ADGRB3: variants seen among roughly 807,000 people sequenced by gnomAD.
ADGRB3 encodes the protein brain-specific angiogenesis inhibitor 3.
ADGRB3 carries 37 observed loss-of-function variants against 193.4 expected under a neutral mutation model. That is an observed-to-expected ratio of 0.19 (90% confidence interval 0.15 to 0.25). The LOEUF is 0.25. ADGRB3 is among the 10% of genes least tolerant of loss of function. ADGRB3 has a pLI of 1.00. For synonymous variants in ADGRB3, 690 were observed against 644.2 expected (o/e 1.07, Z -1.08); for missense variants, 1,637 against 1,852.9 (o/e 0.88, Z 2.14).
At chr6:68,950,877 A>G (rs1053285300) in intron 6 of ADGRB3, among the ~76,000 whole-genome samples, 1 of 152,120 alleles carries the variant, frequency 6.6e-6, no homozygotes, top group South Asian at 2.1e-4. Context: ...CAAAACCACA[A>G]TATTAGGTTT....
intron 13 of ADGRB3, among the ~76,000 whole-genome samples, chr6:69,026,628 A>G (rs1156374536): frequency 6.6e-6 from 1 of 152,292 alleles, no homozygotes; most frequent in Non-Finnish European, 1.5e-5. Flanking sequence ...TCCTTAGACT[A>G]TTTTGTTTTG....
At chr6:69,304,447 A>G (rs766880464) in intron 20 of ADGRB3, among the ~76,000 whole-genome samples, 3 of 151,668 alleles carry the variant, frequency 2.0e-5, no homozygotes, top group Non-Finnish European at 4.4e-5. Flanking sequence ...GCCTACTAGT[A>G]GTAAGAATAT....
intron 19 of ADGRB3, among the ~76,000 whole-genome samples, chr6:69,237,031 T>G (rs1164681824): frequency 6.6e-6 from 1 of 152,016 alleles, no homozygotes; most frequent in Non-Finnish European, 1.5e-5. Context: ...CATGAATTAT[T>G]AAGTGAATCT....
intron 3 of ADGRB3, among the ~76,000 whole-genome samples, chr6:68,645,688 T>C (rs577360074): frequency 6.6e-6 from 1 of 152,304 alleles, no homozygotes; most frequent in South Asian, 2.1e-4. Context: ...TTTTTCTTTT[T>C]TGAGACGGAG....
chr6:68,814,001 G>A (rs1299298996), intron 3 of ADGRB3, among the ~76,000 whole-genome samples: 2 of 152,136 alleles, frequency 1.3e-5, no homozygotes, highest in Non-Finnish European at 2.9e-5. Flanking sequence ...ATTGTGAATA[G>A]TGCCACAATA....
intron 3 of ADGRB3, among the ~76,000 whole-genome samples, chr6:68,798,976 C>G (rs1320204055): frequency 6.6e-6 from 1 of 152,074 alleles, no homozygotes. Context: ...AGACAGCAAA[C>G]TGATTGCTTA....
chr6:69,079,948 C>T (rs777397112), intron 17 of ADGRB3, among the ~76,000 whole-genome samples: 11 of 151,920 alleles, frequency 7.2e-5, no homozygotes, highest in Non-Finnish European at 1.6e-4. Flanking sequence ...CCTATTTTTT[C>T]TTCATTTCAA....
chr6:69,076,145 G>T, intron 17 of ADGRB3, 107 bp downstream of exon 17: 2 of 919,034 alleles, frequency 2.2e-6, no homozygotes, highest in South Asian at 1.5e-5. Context: ...GTGGGATGTT[G>T]CATTCAGAGA....
chr6:69,165,999 C>T (rs1011341849), intron 17 of ADGRB3, among the ~76,000 whole-genome samples: 5 of 151,968 alleles, frequency 3.3e-5, no homozygotes, highest in African/African-American at 1.2e-4. Context: ...ATTATTGAAA[C>T]AATACTTCTG....
chr6:68,700,368 T>C (rs77554356), intron 3 of ADGRB3, among the ~76,000 whole-genome samples: 1 of 152,144 alleles, frequency 6.6e-6, no homozygotes, highest in South Asian at 2.1e-4. Context: ...CCTTTTTTTT[T>C]CTCACTGCAA....
At chr6:69,209,142 G>T (rs940322120) in intron 17 of ADGRB3, among the ~76,000 whole-genome samples, 2 of 152,174 alleles carry the variant, frequency 1.3e-5, no homozygotes, top group Non-Finnish European at 2.9e-5. Flanking sequence ...GGACCAAGTG[G>T]CAGAGGAGTT....
At position 68,956,718 on chromosome 6, in the gene ADGRB3, A is replaced by C. The variant is rs979637305; in HGVS notation, c.1434A>C (p.Arg478=). Residue 478 remains arginine (R), a synonymous_variant, in exon 8 of 32, where the codon CGA becomes CGC. Coordinates refer to ENST00000370598, the MANE Select transcript of ADGRB3 (RefSeq NM_001704.3). ...CCTGTGATGGCGGCTGGGAAAGGCG[A>C]ATAAGGACCTGTCAGGGTGCAGTGA... ...SKSCDGGWER[R]IRTCQGAVIT... 2 of 1,613,962 alleles carry C rather than the reference A, an allele frequency of 1.2e-6. No homozygotes were observed. The highest frequency in any genetic ancestry group is 1.7e-6 in the Non-Finnish European group (2 of 1,180,000).
chr6:69,208,947 C>T (rs1481953221), intron 17 of ADGRB3, among the ~76,000 whole-genome samples: 2 of 152,172 alleles, frequency 1.3e-5, no homozygotes, highest in African/African-American at 2.4e-5. Flanking sequence ...TCCACCAAAG[C>T]GCAGTAACAG....
chr6:68,817,340 T>C (rs1241047194), intron 3 of ADGRB3, among the ~76,000 whole-genome samples: 1 of 110,826 alleles, frequency 9.0e-6, no homozygotes, highest in Non-Finnish European at 1.7e-5. Context: ...TATATATATA[T>C]ATATATATAT....
At chr6:69,278,409 T>C (rs758835553) in intron 20 of ADGRB3, among the ~76,000 whole-genome samples, 3 of 152,234 alleles carry the variant, frequency 2.0e-5, no homozygotes, top group African/African-American at 7.2e-5. Context: ...AACAGCAGTA[T>C]ATTAGGGGTG....
chr6:69,006,053 T>C (rs1769739949), intron 11 of ADGRB3, among the ~76,000 whole-genome samples: 3 of 152,140 alleles, frequency 2.0e-5, no homozygotes, highest in African/African-American at 7.2e-5. Context: ...GTTATTTTGC[T>C]TATTCACCTA....
chr6:68,724,259 C>T (rs907118780), intron 3 of ADGRB3, among the ~76,000 whole-genome samples: 1 of 151,570 alleles, frequency 6.6e-6, no homozygotes, highest in Non-Finnish European at 1.5e-5. Context: ...TCCTTTTAGC[C>T]ATATTGCACA....
At chr6:69,073,300 G>A (rs567254317) in intron 16 of ADGRB3, among the ~76,000 whole-genome samples, 5 of 152,200 alleles carry the variant, frequency 3.3e-5, no homozygotes, top group East Asian at 1.9e-4. Flanking sequence ...AGAAGTGCCC[G>A]GCAGGAGAGG....
chr6:68,965,429 T>A (rs1488325393), intron 8 of ADGRB3, among the ~76,000 whole-genome samples: 1 of 141,384 alleles, frequency 7.1e-6, no homozygotes, highest in Non-Finnish European at 1.6e-5. Flanking sequence ...GAAATGTGGG[T>A]TCTTGAGTAG....
Sources: allele counts gnomAD v4.1 joint callset (sites outside exome capture counted in the v4.1 genomes callset), GRCh38; gene constraint gnomAD v4.1.1; transcripts MANE v1.5; gene names NCBI Gene and HGNC (gene_info 2026-07-23, HGNC 2026-07-21).